EML4: variants seen among roughly 807,000 people sequenced by gnomAD.
EML4 encodes EMAP like 4, also known as echinoderm microtubule-associated protein-like 4.
A neutral mutation model predicts 129.0 loss-of-function variants in EML4; 72 were observed. The ratio of observed to expected loss-of-function variants is 0.56; its 90% CI spans 0.46 to 0.68. EML4 has a LOEUF of 0.68. Ranked by LOEUF, EML4 falls within the 30% of genes least tolerant of loss-of-function variation. EML4 has a pLI of 0.00. For missense variants in EML4, 1,363 were observed against 1,190.6 expected (o/e 1.14, Z -2.13); for synonymous variants, 532 against 405.0 (o/e 1.31, Z -3.77).
At chr2:42,279,458 C>T (rs868424646) in intron 6 of EML4, among the ~76,000 whole-genome samples, 8 of 151,020 alleles carry the variant, frequency 5.3e-5, no homozygotes, top group South Asian at 2.1e-4. Context: ...CAACACTTGC[C>T]GTCTTTTTTT....
At chr2:42,184,390 C>G (rs1450145837) in intron 1 of EML4, among the ~76,000 whole-genome samples, 1 of 112,996 alleles carries the variant, frequency 8.8e-6, no homozygotes, top group African/African-American at 3.5e-5. Flanking sequence ...CCCCCTCCCC[C>G]CACCCCACAA....
At chr2:42,203,671 C>A (rs1292159667) in intron 1 of EML4, among the ~76,000 whole-genome samples, 1 of 150,032 alleles carries the variant, frequency 6.7e-6, no homozygotes, top group African/African-American at 2.4e-5. Flanking sequence ...TCCCTCCCCC[C>A]ACATATTTTG....
chr2:42,313,559 C>T (rs1669076266), intron 17 of EML4, among the ~76,000 whole-genome samples: 1 of 152,118 alleles, frequency 6.6e-6, no homozygotes, highest in Non-Finnish European at 1.5e-5. Context: ...CCTTTTCTCT[C>T]TTCTAAATAT....
intron 4 of EML4, 44 bp from the exon 5 acceptor site, chr2:42,263,134 T>G (rs369456066): frequency 1.3e-6 from 2 of 1,549,458 alleles, no homozygotes; most frequent in East Asian, 2.3e-5. Context: ...TTACATGTCT[T>G]TGATACTCAG....
At chr2:42,304,766 A>T (rs540864590) in intron 17 of EML4, among the ~76,000 whole-genome samples, 1 of 152,220 alleles carries the variant, frequency 6.6e-6, no homozygotes, top group Non-Finnish European at 1.5e-5. Flanking sequence ...TTCAGAATAC[A>T]TCAGAAAACA....
chr2:42,259,599 A>G (rs915847215), intron 3 of EML4, among the ~76,000 whole-genome samples: 1 of 152,082 alleles, frequency 6.6e-6, no homozygotes, highest in Non-Finnish European at 1.5e-5. Context: ...AAATATATCC[A>G]TAAATAACTT....
At chr2:42,174,837 A>G (rs1670502990) in intron 1 of EML4, among the ~76,000 whole-genome samples, 1 of 150,728 alleles carries the variant, frequency 6.6e-6, no homozygotes, top group African/African-American at 2.4e-5. Flanking sequence ...TTGTTTTTTG[A>G]GACAGAGTCT....
intron 11 of EML4, among the ~76,000 whole-genome samples, chr2:42,292,514 G>T (rs1348281293): frequency 1.3e-5 from 2 of 152,302 alleles, no homozygotes; most frequent in Admixed American, 1.3e-4. Flanking sequence ...AAATAACCCA[G>T]ACATGAAGGA....
intron 2 of EML4, among the ~76,000 whole-genome samples, chr2:42,249,969 A>G (rs1048445301): frequency 1.3e-5 from 2 of 152,248 alleles, no homozygotes; most frequent in South Asian, 4.1e-4. Flanking sequence ...GGGAAGGCCC[A>G]GAGAACACTG....
At position 42,265,002 on chromosome 2, in the gene EML4, A is replaced by C. The variant is rs1341554657; in HGVS notation, c.667+271A>C. On this transcript the variant is annotated intron_variant, in intron 6 of 22. Coordinates refer to ENST00000318522, the MANE Select transcript of EML4 (RefSeq NM_019063.5). ...GCCTTCTAAGTGAATTTTTTCCTGG[A>C]TCTCTTATTTGGCTTTTTATTATTT... is the stretch of plus-strand genomic sequence containing the variant. The C allele has an allele frequency of 3.3e-6, 5 of 1,507,220 alleles. No individual in the cohort carries two copies. The South Asian group carries it at 4.9e-5, about 15-fold the overall frequency. The allele number at this position is 1,507,220 out of a possible 1,614,324, so 93.4% of individuals were successfully genotyped here.
chr2:42,332,518 ATAAAAT>A lies in EML4; in HGVS notation c.*2312_*2317del, dbSNP rs1412173608. The A allele has an allele frequency of 5.4e-6, 1 of 184,148 alleles. No homozygotes were observed. The highest frequency in any genetic ancestry group is 1.2e-5 in the Non-Finnish European group (1 of 86,376). The allele number at this position is 184,148 out of a possible 1,614,324, so 11.4% of individuals were successfully genotyped here. On this transcript the variant is annotated 3_prime_UTR_variant, in exon 23 of 23. Coordinates refer to ENST00000318522, the MANE Select transcript of EML4 (RefSeq NM_019063.5). Reference sequence around the variant, plus strand: ...GGCAGAAAATTTTGAAGATTAAAAAATAAAATAATCAAAATGTTTCCTCTTTCTAAG... The same window carrying A: ...GGCAGAAAATTTTGAAGATTAAAAAAAATCAAAATGTTTCCTCTTTCTAAG...
In EML4 at chr2:42,169,624, G is replaced by A. The variant is rs1225010279; in HGVS notation, c.13G>A (p.Ala5Thr). 1 of 1,601,470 alleles carries A rather than the reference G, an allele frequency of 6.2e-7. No homozygotes were observed. Among genetic ancestry groups the A allele is most frequent in the Admixed American group, 1.7e-5 (1 of 58,916 alleles). The change falls in exon 1 of 23, where the codon GCC becomes ACC. Residue 5 changes from alanine to threonine, a missense_variant. Coordinates refer to ENST00000318522, the MANE Select transcript of EML4 (RefSeq NM_019063.5). Reference sequence around the variant, plus strand: ...CTTTCCCCGCAAGATGGACGGTTTCGCCGGCAGTCTCGGTGAGTACGGCTG... The same window carrying A: ...CTTTCCCCGCAAGATGGACGGTTTCACCGGCAGTCTCGGTGAGTACGGCTG... MDGF[A>T]GSLDDSISAA...
chr2:42,287,683 C>T (rs937561243), intron 10 of EML4, among the ~76,000 whole-genome samples: 2 of 152,096 alleles, frequency 1.3e-5, no homozygotes, highest in African/African-American at 4.8e-5. Flanking sequence ...CAGGAAATTT[C>T]ATTATAAAAA....
At chr2:42,315,433 T>C (rs527711714) in intron 17 of EML4, among the ~76,000 whole-genome samples, 2 of 152,352 alleles carry the variant, frequency 1.3e-5, no homozygotes, top group Admixed American at 6.5e-5. Context: ...AGTCAATGAA[T>C]ACCCAAATAG....
intron 2 of EML4, among the ~76,000 whole-genome samples, chr2:42,252,031 G>C (rs1347815849): frequency 6.6e-6 from 1 of 152,166 alleles, no homozygotes; most frequent in African/African-American, 2.4e-5. Context: ...TATAGAAACA[G>C]GAAGTTGTGA....
intron 19 of EML4, among the ~76,000 whole-genome samples, chr2:42,321,657 C>G (rs1669530226): frequency 6.6e-6 from 1 of 152,130 alleles, no homozygotes; most frequent in South Asian, 2.1e-4. Context: ...TCTGCCACCC[C>G]TAACTTCAAA....
chr2:42,315,597 G>C (rs1669203252), intron 17 of EML4, among the ~76,000 whole-genome samples: 1 of 152,146 alleles, frequency 6.6e-6, no homozygotes, highest in Non-Finnish European at 1.5e-5. Flanking sequence ...GACCTGTCTG[G>C]GCACAGTGGC....
intron 1 of EML4, among the ~76,000 whole-genome samples, chr2:42,215,867 C>T (rs894826162): frequency 5.9e-5 from 9 of 152,176 alleles, no homozygotes; most frequent in Non-Finnish European, 1.3e-4. Context: ...ACAACTCTTA[C>T]TCCTGATAGT....
At chr2:42,324,787 G>C (rs1235963202) in intron 19 of EML4, among the ~76,000 whole-genome samples, 1 of 152,222 alleles carries the variant, frequency 6.6e-6, no homozygotes, top group Non-Finnish European at 1.5e-5. Flanking sequence ...TATACGTGAA[G>C]CCAACAAAAA....
Sources: gnomAD v4.1 joint callset for allele counts (sites outside exome capture counted in the v4.1 genomes callset) on GRCh38, gnomAD v4.1.1 for gene constraint, MANE v1.5 for transcripts, NCBI Gene and HGNC (gene_info 2026-07-23, HGNC 2026-07-21) for gene names.